EML6: variants seen among roughly 807,000 people sequenced by gnomAD.
The protein encoded by EML6 is echinoderm microtubule-associated protein-like 6.
In EML6, 154 loss-of-function variants were observed where a neutral mutation model predicts 240.1. The observed-to-expected ratio is 0.64, with a 90% CI of 0.56 to 0.73. EML6 has a LOEUF of 0.73. Among genes scored for constraint, EML6 ranks in the 30% least tolerant of loss-of-function variants. The probability of loss-of-function intolerance (pLI) is 0.00; values close to 1 mark genes in which losing one functional copy is unlikely to be tolerated. For synonymous variants in EML6, 1,148 were observed against 899.0 expected, an observed-to-expected ratio of 1.28 and a Z score of -4.95; for missense variants, 2,964 against 2,474.6, an observed-to-expected ratio of 1.20 and a Z score of -4.20.
In EML6 at chr2:54,929,064, G is replaced by A. The variant is rs1163365459; in HGVS notation, c.4004+313G>A. On this transcript the variant is annotated intron_variant, in intron 28 of 41. Transcript: ENST00000356458. ...GGGTAGCCCCAAAGCAGTCCTGACT[G>A]TGGCAGCTGACAGGAAAGCCTGCTG... Among the ~76,000 whole-genome samples, 5 of 152,356 alleles carry A rather than the reference G, an allele frequency of 3.3e-5. 1 individual carries two copies. Among genetic ancestry groups the A allele is most frequent in the African/African-American group, 1.2e-4 (5 of 41,580 alleles).
chr2:54,821,526 A>G (rs1668334260), intron 5 of EML6, among the ~76,000 whole-genome samples: 1 of 152,130 alleles, frequency 6.6e-6, no homozygotes, highest in South Asian at 2.1e-4. Flanking sequence ...ACCTGACAGA[A>G]TTTCCCTTTA....
intron 2 of EML6, among the ~76,000 whole-genome samples, chr2:54,768,006 G>C (rs1490435383): frequency 6.6e-6 from 1 of 152,136 alleles, no homozygotes; most frequent in East Asian, 1.9e-4. Flanking sequence ...CTTAGGCTTT[G>C]TAGAGAGTGT....
chr2:54,946,361 C>T (rs1675695105), intron 28 of EML6, among the ~76,000 whole-genome samples: 1 of 152,190 alleles, frequency 6.6e-6, no homozygotes, highest in South Asian at 2.1e-4. Context: ...TCCTCGCACT[C>T]CTGTCCTGTG....
chr2:54,842,483 G>C (rs996339518), intron 7 of EML6, among the ~76,000 whole-genome samples: 2 of 152,026 alleles, frequency 1.3e-5, no homozygotes, highest in Non-Finnish European at 2.9e-5. Flanking sequence ...AGAAAAATTG[G>C]TCCCCAGCAA....
chr2:54,823,356 G>C (rs1668419159), intron 5 of EML6, among the ~76,000 whole-genome samples: 1 of 152,056 alleles, frequency 6.6e-6, no homozygotes, highest in South Asian at 2.1e-4. Flanking sequence ...GAGAGGCATT[G>C]GTCACCCATG....
intron 16 of EML6, among the ~76,000 whole-genome samples, chr2:54,873,135 A>G (rs1671341145): frequency 6.6e-6 from 1 of 152,214 alleles, no homozygotes; most frequent in South Asian, 2.1e-4. Flanking sequence ...AGAATTTTAC[A>G]TTATAAACCA....
At chr2:54,754,017 C>T (rs1008850009) in intron 2 of EML6, among the ~76,000 whole-genome samples, 1 of 151,722 alleles carries the variant, frequency 6.6e-6, no homozygotes, top group Non-Finnish European at 1.5e-5. Context: ...CACCTGTAGT[C>T]CCAGTTACTC....
intron 10 of EML6, among the ~76,000 whole-genome samples, 175 bp from the exon 11 acceptor site, chr2:54,853,468 G>A (rs1438900218): frequency 6.6e-6 from 1 of 150,952 alleles, no homozygotes; most frequent in South Asian, 2.2e-4. Flanking sequence ...TGAGTTTTGA[G>A]TGTGGGCTTT....
chr2:54,931,808 A>G (rs1252989536), intron 28 of EML6, among the ~76,000 whole-genome samples: 2 of 152,204 alleles, frequency 1.3e-5, no homozygotes, highest in African/African-American at 4.8e-5. Context: ...GCAATGTTTC[A>G]GGCAGCTCTA....
chr2:54,953,546 A>G (rs1041388488), intron 31 of EML6, among the ~76,000 whole-genome samples: 1 of 152,130 alleles, frequency 6.6e-6, no homozygotes, highest in Non-Finnish European at 1.5e-5. Flanking sequence ...AGGTCAGGCT[A>G]TAGGTCTCTT....
chr2:54,863,981 G>C (rs1670826726), intron 13 of EML6, 92 bp downstream of exon 13: 2 of 685,644 alleles, frequency 2.9e-6, no homozygotes, highest in Non-Finnish European at 4.9e-6. Context: ...CTGGCACTTA[G>C]ACAAAGAGAA....
chr2:54,909,584 C>T (rs1673530254), intron 24 of EML6, among the ~76,000 whole-genome samples: 3 of 152,058 alleles, frequency 2.0e-5, no homozygotes, highest in Non-Finnish European at 4.4e-5. Context: ...GTGGCTCATG[C>T]CATATAATCC....
chr2:54,873,379 G>A (rs934115779), intron 16 of EML6, among the ~76,000 whole-genome samples: 102 of 152,292 alleles, frequency 6.7e-4, no homozygotes, highest in African/African-American at 2.3e-3. Flanking sequence ...TAAGTGTCAA[G>A]GGAGAGAGAA....
intron 3 of EML6, 24 bp from the exon 4 acceptor site, chr2:54,816,763 C>G (rs1223961881): frequency 1.3e-6 from 2 of 1,505,720 alleles, no homozygotes; most frequent in African/African-American, 1.4e-5. Flanking sequence ...CTTTTAGGTA[C>G]TAAATTATTG....
chr2:54,835,303 G>C (rs968112793), intron 7 of EML6, among the ~76,000 whole-genome samples: 7 of 152,180 alleles, frequency 4.6e-5, no homozygotes, highest in African/African-American at 7.2e-5. Context: ...TTTGTTCACT[G>C]ATGCCTCCCA....
At chr2:54,964,451 AGTCACAAGGTGG>A (rs1446707810) in intron 37 of EML6, 108 bp from the exon 38 acceptor site, 1 of 891,742 alleles carries the variant, frequency 1.1e-6, no homozygotes, top group African/African-American at 1.7e-5. Flanking sequence ...ACCACATGTG[AGTCACAAGGTGG>A]CTCTCATTGC....
At chr2:54,954,895 T>C (rs11125550) in intron 32 of EML6, among the ~76,000 whole-genome samples, 44,709 of 152,156 alleles carry the variant, frequency 0.29, 8,777 homozygotes, top group African/African-American at 0.55. Flanking sequence ...TGGGACACGC[T>C]CTACCAGGCA....
intron 2 of EML6, among the ~76,000 whole-genome samples, chr2:54,748,808 C>T (rs1684029800): frequency 6.6e-6 from 1 of 152,116 alleles, no homozygotes; most frequent in African/African-American, 2.4e-5. Flanking sequence ...AGCAATCCTC[C>T]CACCTTGGCC....
intron 28 of EML6, among the ~76,000 whole-genome samples, chr2:54,933,120 A>C (rs1674947323): frequency 6.6e-6 from 1 of 152,158 alleles, no homozygotes; most frequent in African/African-American, 2.4e-5. Context: ...CAGAACTTAT[A>C]GTCTCTGTGG....
Sources: allele counts gnomAD v4.1 joint callset (sites outside exome capture counted in the v4.1 genomes callset), GRCh38; gene constraint gnomAD v4.1.1; transcripts MANE v1.5; gene names NCBI Gene and HGNC (gene_info 2026-07-23, HGNC 2026-07-21).